BFAR: variants seen among roughly 807,000 people sequenced by gnomAD.
The protein encoded by BFAR is bifunctional apoptosis regulator, also known as RING finger protein 47.
Under a neutral mutation model 54.4 loss-of-function variants are expected in BFAR, and 52 were observed. The ratio of observed to expected loss-of-function variants is 0.96; its 90% confidence interval spans 0.77 to 1.21. The LOEUF (loss-of-function observed/expected upper bound fraction) is 1.21, where lower values mean the gene tolerates loss of function less well. Ranked by LOEUF, BFAR falls within the 50% of genes most tolerant of loss-of-function variation. The pLI is 0.00. For synonymous variants in BFAR, 215 were observed against 204.3 expected (o/e 1.05, Z -0.45); for missense variants, 571 against 534.0 (o/e 1.07, Z -0.68).
intron 6 of BFAR, among the ~76,000 whole-genome samples, chr16:14,663,336 A>AT (rs879825451): frequency 0.013 from 1,874 of 143,176 alleles, 37 homozygotes; most frequent in African/African-American, 0.044. Flanking sequence ...CATCAGGCTA[A>AT]TTTTTTTTTT....
intron 1 of BFAR, among the ~76,000 whole-genome samples, chr16:14,640,704 GCTTC>G (rs1959595142): frequency 6.6e-6 from 1 of 152,152 alleles, no homozygotes; most frequent in South Asian, 2.1e-4. Flanking sequence ...AGGCTCACCT[GCTTC>G]CTTATAACCA....
intron 1 of BFAR, among the ~76,000 whole-genome samples, chr16:14,639,740 A>G (rs1327951056): frequency 6.6e-6 from 1 of 152,212 alleles, no homozygotes. Context: ...GTCTTCAGGA[A>G]AACATAGAGA....
intron 4 of BFAR, among the ~76,000 whole-genome samples, chr16:14,653,711 C>G (rs894255960): frequency 6.6e-6 from 1 of 152,150 alleles, no homozygotes; most frequent in African/African-American, 2.4e-5. Context: ...AAAACAACTA[C>G]TCTTTTTTCT....
intron 1 of BFAR, chr16:14,643,651 T>G (rs1959693605): frequency 6.6e-6 from 1 of 152,108 alleles, no homozygotes; most frequent in African/African-American, 2.4e-5. Context: ...ACACCTGTAG[T>G]CCCAGCTACT....
chr16:14,640,629 T>C (rs1461854347), intron 1 of BFAR, among the ~76,000 whole-genome samples: 3 of 152,156 alleles, frequency 2.0e-5, no homozygotes, highest in Non-Finnish European at 2.9e-5. Flanking sequence ...TGGCTACTGG[T>C]GGTGAGACTG....
chr16:14,636,187 C>A (rs554981659), intron 1 of BFAR, among the ~76,000 whole-genome samples: 1 of 152,090 alleles, frequency 6.6e-6, no homozygotes, highest in Non-Finnish European at 1.5e-5. Context: ...GGGTGTTTCT[C>A]GTTAGGTGGA....
intron 4 of BFAR, among the ~76,000 whole-genome samples, chr16:14,652,328 G>A (rs1674595570): frequency 6.6e-6 from 1 of 150,384 alleles, no homozygotes; most frequent in Non-Finnish European, 1.5e-5. Context: ...CTCCCAGGCT[G>A]GAGTGCAGTG....
At chr16:14,657,415 A>AT (rs1960159902) in intron 5 of BFAR, among the ~76,000 whole-genome samples, 1 of 151,810 alleles carries the variant, frequency 6.6e-6, no homozygotes, top group African/African-American at 2.4e-5. Context: ...TGCCCGGCTA[A>AT]TTTTTTTATT....
At chr16:14,651,410 C>T (rs1017926673) in intron 4 of BFAR, among the ~76,000 whole-genome samples, 1 of 152,222 alleles carries the variant, frequency 6.6e-6, no homozygotes, top group African/African-American at 2.4e-5. Context: ...TCCACGGGTG[C>T]ACTCCCCTCC....
Position 14,644,601 on chromosome 16 carries a change from TCTC to T in BFAR, c.259_261del (p.Leu87del), listed in dbSNP as rs1567486570. On this transcript the variant is annotated inframe_deletion, in exon 2 of 8. Coordinates refer to ENST00000261658, the MANE Select transcript of BFAR (RefSeq NM_016561.3). ...GGGAAGGTTTCCCCAAAGTCAGTATTCTCCTCAGGTAATGTTCAGCCTATATTG... is the reference window on the plus strand; with the variant it reads ...GGGAAGGTTTCCCCAAAGTCAGTATTCTCAGGTAATGTTCAGCCTATATTG... 1 of 1,612,686 alleles carries T rather than the reference TCTC, an allele frequency of 6.2e-7. No homozygotes were observed. The highest frequency in any genetic ancestry group is 1.7e-5 in the Admixed American group (1 of 59,958).
Position 14,649,899 on chromosome 16 carries a change from C to A in BFAR, c.564C>A (p.Val188=). 3 of 1,613,766 alleles carry A rather than the reference C, an allele frequency of 1.9e-6. No homozygotes were observed. Among genetic ancestry groups the A allele is most frequent in the Non-Finnish European group, 2.5e-6 (3 of 1,179,842 alleles). Residue 188 remains valine, a synonymous_variant, in exon 4 of 8, where the codon GTC becomes GTA. Coordinates refer to ENST00000261658, the MANE Select transcript of BFAR (RefSeq NM_016561.3). ...CCAAATGGACGGCGGAAGAAGTTGT[C>A]CTCTGGCTGGAGCAGCTGGGCCCTT... The part of the protein sequence containing the change: ...AVAKWTAEEV[V]LWLEQLGPWA...
rs369606672 is a variant in BFAR, at chr16:14,667,680, G to A, written c.1206G>A (p.Thr402=). The A allele has an allele frequency of 2.4e-5, 38 of 1,614,072 alleles. No homozygotes were observed. The African/African-American group carries it at 2.9e-4, about 12-fold the overall frequency. The part of the protein sequence containing the change: ...RMWSHFWKVS[T]QGLFVAMFWP... The stretch of plus-strand genomic sequence containing the variant: ...GGAGCCATTTCTGGAAAGTATCAAC[G>A]CAGGGGCTTTTTGTGGCCATGTTCT... The change falls in exon 8 of 8, where the codon ACG becomes ACA. Residue 402 remains threonine (T), a synonymous_variant. Coordinates refer to ENST00000261658, the MANE Select transcript of BFAR (RefSeq NM_016561.3).
Position 14,637,879 on chromosome 16 carries a change from A to G in BFAR, c.-74+4861A>G, listed in dbSNP as rs181008295. 1.4e-3 allele frequency among the ~76,000 whole-genome samples: 220 copies of G among 151,742 alleles called. 2 individuals carry two copies. Among genetic ancestry groups the G allele is most frequent in the Non-Finnish European group, 1.7e-3 (118 of 67,918 alleles). On this transcript the variant is annotated intron_variant, in intron 1 of 7. Coordinates refer to ENST00000261658, the MANE Select transcript of BFAR (RefSeq NM_016561.3). ...TTTCCTGCAATGTATTTTATTTCCAATGCTGTATTTTCCCTGCTGCTAGAG... is the reference window on the plus strand; with the variant it reads ...TTTCCTGCAATGTATTTTATTTCCAGTGCTGTATTTTCCCTGCTGCTAGAG...
rs1960398321 is a variant in BFAR at position 14,664,925 on chromosome 16, C to T, written c.1014C>T (p.Phe338=). The part of the protein sequence containing the change: ...QWREFLVKYS[F]LPYQLIAEFA... ...GAGAGTTCCTGGTCAAATACTCCTT[C>T]CTTCCATACCAGCTGATTGCTGAGT... The change falls in exon 7 of 8, where the codon TTC becomes TTT. Residue 338 remains phenylalanine, a synonymous_variant. Coordinates refer to ENST00000261658, the MANE Select transcript of BFAR (RefSeq NM_016561.3). The T allele has an allele frequency of 5.0e-6, 8 of 1,614,090 alleles. No individual in the cohort carries two copies. The highest frequency in any genetic ancestry group is 6.8e-6 in the Non-Finnish European group (8 of 1,179,966).
rs149644657 is a variant in BFAR, at chr16:14,651,033, T to G, written c.638+1060T>G. Among the ~76,000 whole-genome samples, 13 of 152,316 alleles carry G rather than the reference T, an allele frequency of 8.5e-5. 1 individual carries two copies. The South Asian group carries it at 1.7e-3, about 19-fold the overall frequency. ...CAAGAATCAACACAGAAGACTTTTG[T>G]GACCAAATATGTGGGGTTCTCCTGC... On this transcript the variant is annotated intron_variant, in intron 4 of 7. Transcript: ENST00000261658.
intron 5 of BFAR, among the ~76,000 whole-genome samples, chr16:14,661,340 G>T (rs1185402239): frequency 1.3e-5 from 2 of 150,060 alleles, no homozygotes; most frequent in African/African-American, 2.4e-5. Context: ...TGCAAGCAGG[G>T]TGCAAGAGTA....
rs146402847 is a variant in BFAR, at chr16:14,661,924, A to G, written c.816A>G (p.Leu272=). The change falls in exon 6 of 8, where the codon CTA becomes CTG. Residue 272 remains leucine (L), a synonymous_variant. Coordinates refer to ENST00000261658, the MANE Select transcript of BFAR (RefSeq NM_016561.3). ...AVNPGRSLFL[L]YALKSSPRLS... ...ACCCAGGCAGGTCCCTGTTCCTGCT[A>G]TACGCCCTCAAGAGCTCCCCCAGGC... 5,148 of 1,614,122 alleles carry G rather than the reference A, an allele frequency of 3.2e-3. 13 individuals carry two copies. The highest frequency in any genetic ancestry group is 3.9e-3 in the Non-Finnish European group (4,641 of 1,180,010).
intron 5 of BFAR, among the ~76,000 whole-genome samples, chr16:14,661,119 G>T (rs974309922): frequency 1.3e-5 from 2 of 152,042 alleles, no homozygotes; most frequent in Admixed American, 1.3e-4. Context: ...AATGAAAATG[G>T]CTATGTGAAT....
chr16:14,633,172 C>G (rs1280253692), intron 1 of BFAR, 154 bp downstream of exon 1: 2 of 152,344 alleles, frequency 1.3e-5, no homozygotes, highest in African/African-American at 4.8e-5. Context: ...GGCCCGAGTC[C>G]TGAGCATCCC....
Sources: allele counts gnomAD v4.1 joint callset (sites outside exome capture counted in the v4.1 genomes callset), GRCh38; gene constraint gnomAD v4.1.1; transcripts MANE v1.5; gene names NCBI Gene and HGNC (gene_info 2026-07-23, HGNC 2026-07-21).